Variants in FBH1 observed in about 807,000 individuals in gnomAD.
The protein encoded by FBH1 is DNA 3'-5' helicase 1.
A neutral mutation model predicts 115.5 loss-of-function variants in FBH1; 43 were observed. That is an observed-to-expected ratio of 0.37 (90% CI 0.29 to 0.48). FBH1 has a LOEUF of 0.48. Among genes scored for constraint, FBH1 ranks in the 20% least tolerant of loss-of-function variants. The pLI, the probability that FBH1 is intolerant of heterozygous loss-of-function variation, is 0.99. For synonymous variants in FBH1, 524 were observed against 507.8 expected (o/e 1.03, Z -0.43); for missense variants, 1,001 against 1,337.3 (o/e 0.75, Z 3.92).
rs550434922 is a variant in FBH1 at position 5,917,217 on chromosome 10, C to T, written c.1789-203C>T. On this transcript the variant is annotated intron_variant, in intron 10 of 20. Transcript: ENST00000362091. The surrounding 1 kb of genome is among the most constrained non-coding windows in gnomAD (Gnocchi z 5.6). ...GTCCTGTCACGGGCATGGCACGGCC[C>T]GGCTGCTTCCTGTCTCAGCACTGGA... 6 of 586,930 alleles carry T rather than the reference C, an allele frequency of 1.0e-5. No individual in the cohort carries two copies. Among genetic ancestry groups the T allele is most frequent in the East Asian group, 2.9e-5 (1 of 34,932 alleles). The allele number at this position is 586,930 out of a possible 1,614,324, so 36.4% of individuals were successfully genotyped here. A position where few individuals can be genotyped will look rare whatever the true frequency, so the allele number is the denominator to read the frequency against.
rs1260094955 is a variant in FBH1 at position 5,936,905 on chromosome 10, G to A, written c.2962-205G>A. The A allele has an allele frequency of 1.6e-6, 1 of 624,148 alleles. No homozygotes were observed. Among genetic ancestry groups the A allele is most frequent in the Non-Finnish European group, 2.8e-6 (1 of 361,624 alleles). The allele number at this position is 624,148 out of a possible 1,614,324, so 38.7% of individuals were successfully genotyped here. On this transcript the variant is annotated intron_variant, in intron 20 of 20. Transcript: ENST00000362091. This position sits in a 1 kb window ranked among gnomAD's most constrained non-coding sequence, Gnocchi z 5.6. ...CTTGACTGGATAAATGACTGTTTCT[G>A]AGCTCAGGGAATTTGGGGGTGTTGA...
rs1832951438 is a variant in FBH1, at chr10:5,931,191, C to T, written c.2829+3650C>T. 6.6e-6 allele frequency among the ~76,000 whole-genome samples: 1 copy of T among 152,176 alleles called. No individual in the cohort carries two copies. Among genetic ancestry groups the T allele is most frequent in the Non-Finnish European group, 1.5e-5 (1 of 68,026 alleles). On this transcript the variant is annotated intron_variant, in intron 19 of 20. Coordinates refer to ENST00000362091, the MANE Select transcript of FBH1 (RefSeq NM_178150.3). This position sits in a 1 kb window ranked among gnomAD's most constrained non-coding sequence, Gnocchi z 4.3. ...CCATCACGGAGCTGTCCTGGTGGCC[C>T]CTGGCCATCCTAGCACCCTCCCTCC... is the stretch of plus-strand genomic sequence containing the variant.
rs1245841023 is a variant in FBH1, at chr10:5,937,282, G to A, written c.*2G>A. The A allele has an allele frequency of 2.5e-6, 4 of 1,595,776 alleles. No homozygotes were observed. Among genetic ancestry groups the A allele is most frequent in the Non-Finnish European group, 3.4e-6 (4 of 1,169,806 alleles). On this transcript the variant is annotated 3_prime_UTR_variant, in exon 21 of 21. Transcript: ENST00000362091. Reference sequence around the variant, plus strand: ...GCCCTGCTCTTCCTCGTCTTCTGAGGACAAGGCGCACGTTCTCCGCAGTGC... The same window carrying A: ...GCCCTGCTCTTCCTCGTCTTCTGAGAACAAGGCGCACGTTCTCCGCAGTGC...
Position 5,925,161 on chromosome 10 carries a change from G to A in FBH1, c.2597-206G>A, listed in dbSNP as rs567585214. 4.2e-5 allele frequency: 25 copies of A among 594,916 alleles called. No individual in the cohort carries two copies. The highest frequency in any genetic ancestry group is 2.5e-4 in the South Asian group (12 of 47,618). 36.9% of individuals were successfully genotyped at this position (594,916 alleles called of 1,614,324 possible). On this transcript the variant is annotated intron_variant, in intron 17 of 20. Transcript: ENST00000362091. This position sits in a 1 kb window ranked among gnomAD's most constrained non-coding sequence, Gnocchi z 4.6. ...GTTAACTCTCCTGCAACTAATTTTC[G>A]ACTTTTCCCCTCGTCTTTTTCTTTT...
Position 5,933,295 on chromosome 10 carries a change from G to A in FBH1, c.2830-3161G>A, listed in dbSNP as rs144005678. 0.013 allele frequency among the ~76,000 whole-genome samples: 1,910 copies of A among 152,280 alleles called. 30 individuals are homozygous for A. The highest frequency in any genetic ancestry group is 0.036 in the African/African-American group (1,511 of 41,562). On this transcript the variant is annotated intron_variant, in intron 19 of 20. Transcript: ENST00000362091. The surrounding 1 kb of genome is among the most constrained non-coding windows in gnomAD (Gnocchi z 4.9). ...CCCAGCTACTCAGGAGGCTGAGGCAGGAGAATCACTTGAATCCGGGAGGCA... is the reference window on the plus strand; with the variant it reads ...CCCAGCTACTCAGGAGGCTGAGGCAAGAGAATCACTTGAATCCGGGAGGCA...
rs893630215 is a variant in FBH1 at position 5,903,121 on chromosome 10, A to G, written c.103A>G (p.Arg35Gly). The change falls in exon 2 of 21, where the codon AGA becomes GGA. Residue 35 changes from arginine (R) to glycine (G), a missense_variant. Physicochemically the swap from Arg to Gly is moderately radical, Grantham distance 125 (BLOSUM62 -2). Around this residue, in one of 4 missense-constraint regions of FBH1, gnomAD observed 420 missense variants for 430.4 expected, o/e 0.98. Coordinates refer to ENST00000362091, the MANE Select transcript of FBH1 (RefSeq NM_178150.3). ...GCCCTTCGGTCAAAGATGGACAAAC[A>G]GAGATCCGAACCATGGTCTCTATCC... ...TQPFGQRWTN[R>G]DPNHGLYPKP... is the part of the protein sequence containing the mutation. 2.5e-6 allele frequency: 4 copies of G among 1,613,780 alleles called. No homozygotes were observed. The African/African-American group carries it at 5.3e-5, about 22-fold the overall frequency.
In FBH1 at chr10:5,936,570, A is replaced by C; in HGVS notation, c.2944A>C (p.Lys982Gln). 1 of 1,614,118 alleles carries C rather than the reference A, an allele frequency of 6.2e-7. No individual in the cohort carries two copies. Among genetic ancestry groups the C allele is most frequent in the Non-Finnish European group, 8.5e-7 (1 of 1,179,966 alleles). Residue 982 changes from lysine to glutamine, a missense_variant, in exon 20 of 21, where the codon AAG (lysine) becomes CAG (glutamine). Lys to Gln is a moderately conservative substitution (Grantham distance 53). Transcript: ENST00000362091. The surrounding 1 kb of genome is among the most constrained non-coding windows in gnomAD (Gnocchi z 5.6). ...TGTTGACACCGTCCTTACCATGAAG[A>C]AGCTGCCCATCACCTATGTACGTCT... is the stretch of plus-strand genomic sequence containing the variant. The part of the protein sequence containing the change: ...IPVDTVLTMK[K>Q]LPITYSNRKE...
Position 5,917,624 on chromosome 10 carries a change from G to T in FBH1, c.1911G>T (p.Ser637=), listed in dbSNP as rs369114224. Residue 637 remains serine (S), a synonymous_variant, in exon 12 of 21, where the codon TCG becomes TCT. Coordinates refer to ENST00000362091, the MANE Select transcript of FBH1 (RefSeq NM_178150.3). This position sits in a 1 kb window ranked among gnomAD's most constrained non-coding sequence, Gnocchi z 5.6. ...AACTCTGGCAGCTGAGCAAGCCTTC[G>T]CTGGCCTCTTTTGACGCCATCTTTG... The part of the protein sequence containing the change: ...YLKLWQLSKP[S]LASFDAIFVD... 1.9e-6 allele frequency: 3 copies of T among 1,614,092 alleles called. No homozygotes were observed. Among genetic ancestry groups the T allele is most frequent in the East Asian group, 2.2e-5 (1 of 44,888 alleles).
At position 5,897,192 on chromosome 10, in the gene FBH1, T is replaced by C. The variant is rs1181663444; in HGVS notation, c.2-5828T>C. On this transcript the variant is annotated intron_variant, in intron 1 of 20. Transcript: ENST00000362091. The surrounding 1 kb of genome is among the most constrained non-coding windows in gnomAD (Gnocchi z 4.7). ...GTTGTCACCCTCAATGTGGGTGGCTTGAGTACTTACATATATATTGTCTCA... is the reference window on the plus strand; with the variant it reads ...GTTGTCACCCTCAATGTGGGTGGCTCGAGTACTTACATATATATTGTCTCA... 6.6e-6 allele frequency among the ~76,000 whole-genome samples: 1 copy of C among 152,190 alleles called. No individual in the cohort carries two copies. Among genetic ancestry groups the C allele is most frequent in the South Asian group, 2.1e-4 (1 of 4,834 alleles).
At position 5,921,199 on chromosome 10, in the gene FBH1, G is replaced by A; in HGVS notation, c.2101-59G>A. 6.5e-7 allele frequency: 1 copy of A among 1,533,138 alleles called. No individual in the cohort carries two copies. Among genetic ancestry groups the A allele is most frequent in the South Asian group, 1.1e-5 (1 of 87,820 alleles). 95.0% of individuals were successfully genotyped at this position (1,533,138 alleles called of 1,614,324 possible). On this transcript the variant is annotated intron_variant, in intron 13 of 20. Transcript: ENST00000362091. This position sits in a 1 kb window ranked among gnomAD's most constrained non-coding sequence, Gnocchi z 6.4. ...CGGCCAGGCTGTGGCAGCAGTGATG[G>A]AAATGCACGGACACACCACAGGGCG...
intron 1 of FBH1, among the ~76,000 whole-genome samples, chr10:5,890,728 G>A (rs1242088074): frequency 2.0e-5 from 3 of 152,218 alleles, no homozygotes; most frequent in Non-Finnish European, 4.4e-5. Context: ...CCTTGGGCAA[G>A]TCATTTTTCG....
At chr10:5,929,143 A>G (rs1377417863) in intron 19 of FBH1, among the ~76,000 whole-genome samples, 1 of 152,238 alleles carries the variant, frequency 6.6e-6, no homozygotes, top group Non-Finnish European at 1.5e-5. Flanking sequence ...GTACTGGGGC[A>G]TAACAGTGGG....
Position 5,935,708 on chromosome 10 carries a change from C to G in FBH1, c.2830-748C>G, listed in dbSNP as rs1249671550. On this transcript the variant is annotated intron_variant, in intron 19 of 20. Coordinates refer to ENST00000362091, the MANE Select transcript of FBH1 (RefSeq NM_178150.3). The surrounding 1 kb of genome is among the most constrained non-coding windows in gnomAD (Gnocchi z 5.2). ...GTTACAGATTGTAGAATAAGTAGAT[C>G]AATAGCTGGTCATAATCCAGAAAAT... 6.6e-6 allele frequency: 1 copy of G among 152,228 alleles called. No homozygotes were observed. The highest frequency in any genetic ancestry group is 1.5e-5 in the Non-Finnish European group (1 of 68,050). The allele number at this position is 152,228 out of a possible 1,614,324, so 9.4% of individuals were successfully genotyped here.
chr10:5,895,259 C>G lies in FBH1; in HGVS notation c.1+4913C>G. On this transcript the variant is annotated intron_variant, in intron 1 of 20. Transcript: ENST00000362091. This position sits in a 1 kb window ranked among gnomAD's most constrained non-coding sequence, Gnocchi z 5.0. ...AATTGTCCAGATTAGCAAAACTGCC[C>G]TCTGTGGATCTTTGTTAAAGTTGGG... 6.7e-7 allele frequency: 1 copy of G among 1,498,714 alleles called. No homozygotes were observed. Among genetic ancestry groups the G allele is most frequent in the Non-Finnish European group, 9.0e-7 (1 of 1,110,184 alleles). The allele number at this position is 1,498,714 out of a possible 1,614,324, so 92.8% of individuals were successfully genotyped here. A position where few individuals can be genotyped will look rare whatever the true frequency, so the allele number is the denominator to read the frequency against.
At chr10:5,892,231 C>T (rs1015288310) in intron 1 of FBH1, among the ~76,000 whole-genome samples, 1 of 152,156 alleles carries the variant, frequency 6.6e-6, no homozygotes, top group African/African-American at 2.4e-5. Context: ...CACATGTAGT[C>T]GTCATTGGCA....
Position 5,921,246 on chromosome 10 carries a change from TG to T in FBH1, c.2101-11del. 1 of 1,613,554 alleles carries T rather than the reference TG, an allele frequency of 6.2e-7. No homozygotes were observed. Among genetic ancestry groups the T allele is most frequent in the Non-Finnish European group, 8.5e-7 (1 of 1,179,590 alleles). ...GGCGGGCTGCTGACTCCCTCTGTCTTGTTGTTTTCAGAGTTTTCGGTTTGGT... is the reference window on the plus strand; with the variant it reads ...GGCGGGCTGCTGACTCCCTCTGTCTTTTGTTTTCAGAGTTTTCGGTTTGGT... On this transcript the variant is annotated splice_polypyrimidine_tract_variant and intron_variant, in intron 13 of 20. Coordinates refer to ENST00000362091, the MANE Select transcript of FBH1 (RefSeq NM_178150.3). This position sits in a 1 kb window ranked among gnomAD's most constrained non-coding sequence, Gnocchi z 6.4.
In FBH1 at chr10:5,921,185, T is replaced by A; in HGVS notation, c.2101-73T>A. On this transcript the variant is annotated intron_variant, in intron 13 of 20. Transcript: ENST00000362091. The surrounding 1 kb of genome is among the most constrained non-coding windows in gnomAD (Gnocchi z 6.4). Reference sequence around the variant, plus strand: ...TGTAGGGTCTGGCCCGGCCAGGCTGTGGCAGCAGTGATGGAAATGCACGGA... The same window carrying A: ...TGTAGGGTCTGGCCCGGCCAGGCTGAGGCAGCAGTGATGGAAATGCACGGA... 3 of 1,443,012 alleles carry A rather than the reference T, an allele frequency of 2.1e-6. No homozygotes were observed. The highest frequency in any genetic ancestry group is 2.9e-6 in the Non-Finnish European group (3 of 1,031,586). The allele number at this position is 1,443,012 out of a possible 1,614,324, so 89.4% of individuals were successfully genotyped here.
At chr10:5,922,891 TTC>T (rs1396477980) in intron 15 of FBH1, among the ~76,000 whole-genome samples, 11 of 152,290 alleles carry the variant, frequency 7.2e-5, no homozygotes, top group African/African-American at 2.6e-4. Flanking sequence ...GTTCTGTAAT[TTC>T]TTTTTTTTGA....
In FBH1 at chr10:5,925,069, C is replaced by G. The variant is rs1832560061; in HGVS notation, c.2597-298C>G. 6.6e-6 allele frequency among the ~76,000 whole-genome samples: 1 copy of G among 152,172 alleles called. No homozygotes were observed. Among genetic ancestry groups the G allele is most frequent in the Non-Finnish European group, 1.5e-5 (1 of 68,024 alleles). On this transcript the variant is annotated intron_variant, in intron 17 of 20. Transcript: ENST00000362091. The surrounding 1 kb of genome is among the most constrained non-coding windows in gnomAD (Gnocchi z 4.6). ...GTGCAGCCCTCTTCTGGGCTCTGTC[C>G]CTTCATGTGTTAGATCCAGACGGTG... is the stretch of plus-strand genomic sequence containing the variant.
Sources: gnomAD v4.1 joint callset for allele counts (sites outside exome capture counted in the v4.1 genomes callset) on GRCh38, gnomAD v4.1.1 for gene constraint, gnomAD v4.1.1 regional missense constraint, Gnocchi (gnomAD v3.1) non-coding constraint, MANE v1.5 for transcripts, NCBI Gene and HGNC (gene_info 2026-07-23, HGNC 2026-07-21) for gene names.